Variants in EPB41L5 observed in about 807,000 individuals in gnomAD.
EPB41L5 encodes erythrocyte membrane protein band 4.1 like 5.
In EPB41L5, 55 loss-of-function variants were observed where a neutral mutation model predicts 106.6. That is an observed-to-expected ratio of 0.52 (90% CI 0.42 to 0.65). The LOEUF (loss-of-function observed/expected upper bound fraction) is 0.65, where lower values mean the gene tolerates loss of function less well. Among genes scored for constraint, EPB41L5 ranks in the 30% least tolerant of loss-of-function variants. The probability of loss-of-function intolerance (pLI) is 0.00; values close to 1 mark genes in which losing one functional copy is unlikely to be tolerated. For synonymous variants in EPB41L5, 297 were observed against 306.7 expected (o/e 0.97, Z 0.33); for missense variants, 871 against 882.1 (o/e 0.99, Z 0.16).
chr2:120,117,617 T>C (rs1685010061), intron 16 of EPB41L5, among the ~76,000 whole-genome samples: 1 of 152,176 alleles, frequency 6.6e-6, no homozygotes, highest in Non-Finnish European at 1.5e-5. Flanking sequence ...CAATATATGG[T>C]ATCTAAGTGT....
chr2:120,161,962 A>G (rs1012511717), intron 21 of EPB41L5, among the ~76,000 whole-genome samples: 1 of 152,210 alleles, frequency 6.6e-6, no homozygotes, highest in Non-Finnish European at 1.5e-5. Context: ...CCTTGGTGCC[A>G]AAAAGGTTGG....
intron 20 of EPB41L5, among the ~76,000 whole-genome samples, chr2:120,155,875 C>T (rs559340692): frequency 6.6e-6 from 1 of 151,980 alleles, no homozygotes; most frequent in Non-Finnish European, 1.5e-5. Context: ...GCTTCCGGCC[C>T]CCAGCGACTC....
rs1191644158 is a variant in EPB41L5, at chr2:120,164,307, T to C, written c.1888-529T>C. On this transcript the variant is annotated intron_variant, in intron 21 of 24. Transcript: ENST00000263713. ...TTGGCTCACTGCAGCCTCTGTCTCC[T>C]GGGCTCAAGTGATCTTCCCACCTCA... 2.6e-5 allele frequency among the ~76,000 whole-genome samples: 4 copies of C among 152,152 alleles called. No homozygotes were observed. In the South Asian group the frequency reaches 6.2e-4, roughly 24 times the overall value.
In EPB41L5 at chr2:120,072,926, A is replaced by AT. The variant is rs1227889858; in HGVS notation, c.286-249dup. Among the ~76,000 whole-genome samples the AT allele has an allele frequency of 2.4e-4, 18 of 76,414 alleles. No homozygotes were observed. In the East Asian group the frequency reaches 3.5e-3, roughly 15 times the overall value. 50.1% of individuals were successfully genotyped at this position (76,414 alleles called of 152,430 possible). A position where few individuals can be genotyped will look rare whatever the true frequency, so the allele number is the denominator to read the frequency against. ...GCACATGTATCCCAGAACTTAAAGT[A>AT]TTTAAAAAAAAAAAAAGTCATCTGT... On this transcript the variant is annotated intron_variant, in intron 3 of 24. Coordinates refer to ENST00000263713, the MANE Select transcript of EPB41L5 (RefSeq NM_020909.4).
intron 24 of EPB41L5, among the ~76,000 whole-genome samples, chr2:120,169,245 G>GTCTT (rs896652058): frequency 6.6e-6 from 1 of 152,150 alleles, no homozygotes; most frequent in African/African-American, 2.4e-5. Context: ...GGAAAGAATG[G>GTCTT]TCTTTCTTTT....
chr2:120,057,535 T>A (rs1017123918), intron 3 of EPB41L5, among the ~76,000 whole-genome samples: 1 of 152,138 alleles, frequency 6.6e-6, no homozygotes, highest in Non-Finnish European at 1.5e-5. Context: ...CTTTAGCAAA[T>A]GAATAACCTA....
intron 14 of EPB41L5, among the ~76,000 whole-genome samples, chr2:120,099,343 G>GTT (rs1352044235): frequency 0.14 from 5,350 of 38,438 alleles, 153 homozygotes; most frequent in Non-Finnish European, 0.28. Context: ...GTAGTTTCTG[G>GTT]GTTTTTTTTT....
chr2:120,070,751 A>C (rs1321044798), intron 3 of EPB41L5, among the ~76,000 whole-genome samples: 1 of 152,194 alleles, frequency 6.6e-6, no homozygotes, highest in Non-Finnish European at 1.5e-5. Context: ...TGATTATCTC[A>C]ATAGATGCAG....
intron 3 of EPB41L5, among the ~76,000 whole-genome samples, chr2:120,057,818 G>A (rs753214477): frequency 1.4e-4 from 22 of 151,966 alleles, no homozygotes; most frequent in Non-Finnish European, 1.3e-4. Context: ...AATATTAGTG[G>A]TTAAAAAAGT....
rs577753484 is a variant in EPB41L5 at position 120,054,228 on chromosome 2, C to T, written c.285+12118C>T. 1.5e-3 allele frequency among the ~76,000 whole-genome samples: 224 copies of T among 152,224 alleles called. 2 individuals carry two copies. The highest frequency in any genetic ancestry group is 5.0e-3 in the African/African-American group (209 of 41,546). On this transcript the variant is annotated intron_variant, in intron 3 of 24. Transcript: ENST00000263713. ...TCTTTGGAGAAATGTCTATTCAGAT[C>T]CTTTGCCTGATTTTTTAAAGTGTGT...
intron 11 of EPB41L5, among the ~76,000 whole-genome samples, chr2:120,088,158 A>T (rs779435533): frequency 1.7e-4 from 25 of 150,688 alleles, no homozygotes; most frequent in African/African-American, 3.4e-4. Flanking sequence ...AACGATGAAA[A>T]TTTTTTTTTT....
At chr2:120,113,173 G>A (rs909269008) in intron 16 of EPB41L5, among the ~76,000 whole-genome samples, 3 of 152,188 alleles carry the variant, frequency 2.0e-5, no homozygotes, top group East Asian at 1.9e-4. Context: ...TGACACTGTT[G>A]AGTTTAAAAC....
At position 120,035,498 on chromosome 2, in the gene EPB41L5, C is replaced by T. The variant is rs193226071; in HGVS notation, c.181-6508C>T. On this transcript the variant is annotated intron_variant, in intron 2 of 24. Coordinates refer to ENST00000263713, the MANE Select transcript of EPB41L5 (RefSeq NM_020909.4). ...AGAACAGTGCCTGGCACATAGTAAG[C>T]GCTCTATTAATGTTTGTTCAATAAA... Among the ~76,000 whole-genome samples the T allele has an allele frequency of 3.5e-3, 530 of 152,216 alleles. 1 individual carries two copies. The highest frequency in any genetic ancestry group is 6.8e-3 in the Middle Eastern group (2 of 294).
intron 1 of EPB41L5, among the ~76,000 whole-genome samples, chr2:120,014,247 A>G (rs1158764639): frequency 6.6e-6 from 1 of 152,238 alleles, no homozygotes; most frequent in Non-Finnish European, 1.5e-5. Context: ...TACTTTTTTT[A>G]ACCAACTTCT....
chr2:120,152,252 T>C (rs995532456), intron 20 of EPB41L5, among the ~76,000 whole-genome samples: 2 of 152,226 alleles, frequency 1.3e-5, no homozygotes, highest in Non-Finnish European at 2.9e-5. Flanking sequence ...TATATGCTTT[T>C]TCTGCATCAG....
chr2:120,077,990 A>G (rs1352418665), intron 9 of EPB41L5, among the ~76,000 whole-genome samples: 1 of 152,098 alleles, frequency 6.6e-6, no homozygotes, highest in Admixed American at 6.6e-5. Flanking sequence ...GGGAGGTGCT[A>G]CACACTTTCA....
chr2:120,094,703 A>C (rs1683629242), intron 14 of EPB41L5, among the ~76,000 whole-genome samples: 1 of 152,022 alleles, frequency 6.6e-6, no homozygotes, highest in Non-Finnish European at 1.5e-5. Context: ...AAAGATATTA[A>C]ATTTCCTTTC....
intron 9 of EPB41L5, among the ~76,000 whole-genome samples, chr2:120,078,071 C>T (rs1682381500): frequency 6.6e-6 from 1 of 152,166 alleles, no homozygotes; most frequent in Non-Finnish European, 1.5e-5. Flanking sequence ...CTCCATGATT[C>T]AGTCACCTCC....
At chr2:120,161,508 G>C (rs967417040) in intron 21 of EPB41L5, among the ~76,000 whole-genome samples, 2 of 152,340 alleles carry the variant, frequency 1.3e-5, no homozygotes, top group East Asian at 3.9e-4. Flanking sequence ...TATTTTGGGG[G>C]TGGTTTTGAA....
Sources: gnomAD v4.1 joint callset for allele counts (sites outside exome capture counted in the v4.1 genomes callset) on GRCh38, gnomAD v4.1.1 for gene constraint, MANE v1.5 for transcripts, NCBI Gene and HGNC (gene_info 2026-07-23, HGNC 2026-07-21) for gene names.